FHIP1A: variants seen among roughly 807,000 people sequenced by gnomAD.
The protein encoded by FHIP1A is FHF complex subunit HOOK-interacting protein 1A.
A neutral mutation model predicts 88.6 loss-of-function variants in FHIP1A; 61 were observed. That is an observed-to-expected ratio of 0.69 (90% CI 0.56 to 0.85). The LOEUF is 0.85. Among genes scored for constraint, FHIP1A ranks in the 40% least tolerant of loss-of-function variants. The pLI is 0.00. For synonymous variants in FHIP1A, 478 were observed against 496.0 expected (o/e 0.96, Z 0.48); for missense variants, 1,154 against 1,273.5 (o/e 0.91, Z 1.43).
At position 151,577,747 on chromosome 4, in the gene FHIP1A, C is replaced by A; in HGVS notation, c.403C>A (p.His135Asn). Residue 135 changes from histidine (H) to asparagine (N), a missense_variant, in exon 5 of 14, where the codon CAC becomes AAC. His to Asn is a moderately conservative substitution (Grantham distance 68, BLOSUM62 1). Coordinates refer to ENST00000435205, the MANE Select transcript of FHIP1A (RefSeq NM_001109977.3). ...CACCCAGTCGCACCAGCCTCTGCTG[C>A]ACCACAAACCCATTCTGAAGCCTCT... ...LVTQSHQPLLHHKPILKPLMM... is the reference protein window; with the variant it reads ...LVTQSHQPLLNHKPILKPLMM... The A allele has an allele frequency of 1.3e-6, 2 of 1,551,884 alleles. No homozygotes were observed. Among genetic ancestry groups the A allele is most frequent in the East Asian group, 4.9e-5 (2 of 40,918 alleles).
chr4:151,422,239 T>A (rs954194830), intron 1 of FHIP1A, among the ~76,000 whole-genome samples: 7 of 144,768 alleles, frequency 4.8e-5, no homozygotes, highest in South Asian at 2.2e-4. Flanking sequence ...ATATATATAT[T>A]AACTCTTTCC....
chr4:151,446,484 C>CT (rs372904502), intron 1 of FHIP1A, among the ~76,000 whole-genome samples: 4,363 of 136,496 alleles, frequency 0.032, 219 homozygotes, highest in African/African-American at 0.099. Flanking sequence ...TTTCCTTTTC[C>CT]TTTTTTTTTT....
chr4:151,581,898 G>T (rs1259330951), intron 5 of FHIP1A, among the ~76,000 whole-genome samples: 1 of 152,192 alleles, frequency 6.6e-6, no homozygotes, highest in Non-Finnish European at 1.5e-5. Flanking sequence ...GAGCTTGCTG[G>T]TTCTGCTGCC....
In FHIP1A at chr4:151,626,398, CG is replaced by C. The variant is rs762042501; in HGVS notation, c.979-3301del. Among the ~76,000 whole-genome samples the C allele has an allele frequency of 1.2e-3, 187 of 152,258 alleles. 1 individual carries two copies. The highest frequency in any genetic ancestry group is 4.5e-3 in the African/African-American group (185 of 41,556). On this transcript the variant is annotated intron_variant, in intron 7 of 13. Coordinates refer to ENST00000435205, the MANE Select transcript of FHIP1A (RefSeq NM_001109977.3). ...GATTTATTTCCAAGGATGGACTAAA[CG>C]GGACTCAGTAGCAGTAAAGTCAAGT...
chr4:151,472,570 C>T (rs1396443744), intron 2 of FHIP1A, among the ~76,000 whole-genome samples: 1 of 151,384 alleles, frequency 6.6e-6, no homozygotes, highest in Non-Finnish European at 1.5e-5. Context: ...ATTACACTTT[C>T]CTCTTTGAGC....
At chr4:151,474,555 C>T (rs1457291097) in intron 2 of FHIP1A, among the ~76,000 whole-genome samples, 1 of 152,206 alleles carries the variant, frequency 6.6e-6, no homozygotes, top group Admixed American at 6.5e-5. Context: ...CTGTAACTTG[C>T]CTGTTGAAAT....
chr4:151,577,744 C>A lies in FHIP1A; in HGVS notation c.400C>A (p.Leu134Met), dbSNP rs1733851254. The A allele has an allele frequency of 6.4e-7, 1 of 1,551,832 alleles. No individual in the cohort carries two copies. The highest frequency in any genetic ancestry group is 8.7e-7 in the Non-Finnish European group (1 of 1,146,984). ...MLVTQSHQPL[L>M]HHKPILKPLM... ...GGTCACCCAGTCGCACCAGCCTCTGCTGCACCACAAACCCATTCTGAAGCC... is the reference window on the plus strand; with the variant it reads ...GGTCACCCAGTCGCACCAGCCTCTGATGCACCACAAACCCATTCTGAAGCC... Residue 134 changes from leucine (L) to methionine (M), a missense_variant, in exon 5 of 14, where the codon CTG becomes ATG. By Grantham distance (15) the Leu-to-Met change is conservative (BLOSUM62 2). Coordinates refer to ENST00000435205, the MANE Select transcript of FHIP1A (RefSeq NM_001109977.3).
rs113553049 is a variant in FHIP1A, at chr4:151,598,129, C to T, written c.978+9203C>T. Among the ~76,000 whole-genome samples, 472 of 152,132 alleles carry T rather than the reference C, an allele frequency of 3.1e-3. 2 individuals carry two copies. Among genetic ancestry groups the T allele is most frequent in the African/African-American group, 0.011 (458 of 41,502 alleles). On this transcript the variant is annotated intron_variant, in intron 7 of 13. Coordinates refer to ENST00000435205, the MANE Select transcript of FHIP1A (RefSeq NM_001109977.3). ...GCTCAGTGTCTGCCCAAATGGCCGG[C>T]CAGTTTTGTGCTGGAAACCCAGGGC...
chr4:151,635,512 T>C (rs1736318407), intron 8 of FHIP1A, among the ~76,000 whole-genome samples: 1 of 151,734 alleles, frequency 6.6e-6, no homozygotes, highest in Non-Finnish European at 1.5e-5. Flanking sequence ...AGAGAGTATG[T>C]TATATATATA....
At chr4:151,508,443 G>A (rs1450318380) in intron 3 of FHIP1A, among the ~76,000 whole-genome samples, 1 of 152,124 alleles carries the variant, frequency 6.6e-6, no homozygotes, top group African/African-American at 2.4e-5. Context: ...GCTGGGATCT[G>A]GCCCATCTAG....
intron 3 of FHIP1A, among the ~76,000 whole-genome samples, chr4:151,508,639 G>GA (rs1730915530): frequency 6.6e-6 from 1 of 152,146 alleles, no homozygotes. Flanking sequence ...AAGGCTCTCA[G>GA]AATCAAAGTT....
chr4:151,494,547 A>G (rs932419483), intron 3 of FHIP1A, among the ~76,000 whole-genome samples: 1 of 152,110 alleles, frequency 6.6e-6, no homozygotes, highest in Non-Finnish European at 1.5e-5. Context: ...TTTTTGTACT[A>G]GTACCTTGCT....
At chr4:151,564,515 T>A (rs1458177784) in intron 3 of FHIP1A, among the ~76,000 whole-genome samples, 3 of 152,150 alleles carry the variant, frequency 2.0e-5, no homozygotes, top group African/African-American at 7.2e-5. Flanking sequence ...GACGGGAGAA[T>A]GCGTACCCTG....
At chr4:151,567,365 A>G (rs1394212030) in intron 4 of FHIP1A, among the ~76,000 whole-genome samples, 1 of 152,066 alleles carries the variant, frequency 6.6e-6, no homozygotes, top group Admixed American at 6.6e-5. Flanking sequence ...GACACAGTTT[A>G]GATCAAAACC....
chr4:151,579,136 T>C (rs1189649935), intron 5 of FHIP1A, among the ~76,000 whole-genome samples: 1 of 152,216 alleles, frequency 6.6e-6, no homozygotes, highest in African/African-American at 2.4e-5. Flanking sequence ...AGGAATTTTA[T>C]GGCAGTCAAA....
chr4:151,471,473 C>G (rs1250082273), intron 2 of FHIP1A, among the ~76,000 whole-genome samples: 1 of 151,874 alleles, frequency 6.6e-6, no homozygotes, highest in Non-Finnish European at 1.5e-5. Flanking sequence ...GACCTAGAAG[C>G]CATAACTTCT....
chr4:151,446,292 GATTT>G (rs1325549715), intron 1 of FHIP1A, among the ~76,000 whole-genome samples: 7 of 152,032 alleles, frequency 4.6e-5, no homozygotes, highest in Non-Finnish European at 8.8e-5. Context: ...CATTTTTAAG[GATTT>G]ATTTTCATAT....
intron 5 of FHIP1A, among the ~76,000 whole-genome samples, chr4:151,585,532 T>C (rs1734179067): frequency 6.6e-6 from 1 of 152,164 alleles, no homozygotes; most frequent in Non-Finnish European, 1.5e-5. Context: ...ATCTTATACA[T>C]ATCTAGCAAG....
chr4:151,570,843 A>G (rs918557305), intron 4 of FHIP1A, among the ~76,000 whole-genome samples: 1 of 152,194 alleles, frequency 6.6e-6, no homozygotes, highest in Admixed American at 6.5e-5. Context: ...TAATTTTAAA[A>G]CATTGTATAA....
Sources: allele counts gnomAD v4.1 joint callset (sites outside exome capture counted in the v4.1 genomes callset), GRCh38; gene constraint gnomAD v4.1.1; transcripts MANE v1.5; gene names NCBI Gene and HGNC (gene_info 2026-07-23, HGNC 2026-07-21).